Variants in MAN2B1 observed in about 807,000 individuals in gnomAD.
The protein encoded by MAN2B1 is mannosidase alpha class 2B member 1.
A neutral mutation model predicts 127.5 loss-of-function variants in MAN2B1; 99 were observed. That is an observed-to-expected ratio of 0.78 (90% confidence interval 0.66 to 0.92). MAN2B1 has a LOEUF of 0.92. MAN2B1 is among the 40% of genes least tolerant of loss of function. The pLI, the probability that MAN2B1 is intolerant of heterozygous loss-of-function variation, is 0.00. For missense variants in MAN2B1, 1,304 were observed against 1,384.8 expected, an observed-to-expected ratio of 0.94 and a Z score of 0.93; for synonymous variants, 573 against 568.8, an observed-to-expected ratio of 1.01 and a Z score of -0.11.
At chr19:12,652,001 A>T in intron 16 of MAN2B1, 152 bp downstream of exon 16, 1 of 717,834 alleles carries the variant, frequency 1.4e-6, no homozygotes, top group Non-Finnish European at 2.5e-6. Flanking sequence ...GGACCCTCAA[A>T]TATTTCCCCC....
Position 12,649,441 on chromosome 19 carries a change from G to A in MAN2B1, c.2268-13C>T, listed in dbSNP as rs1373452713. ...TCGATAATCCCGCCTGGGGTTGGGG[G>A]TGAGCTGATCAGGCTTGGGATCTGG... is the stretch of plus-strand genomic sequence containing the variant. On this transcript the variant is annotated splice_polypyrimidine_tract_variant and intron_variant, in intron 18 of 23. Coordinates refer to ENST00000456935, the MANE Select transcript of MAN2B1 (RefSeq NM_000528.4). 2 of 1,555,626 alleles carry A rather than the reference G, an allele frequency of 1.3e-6. No homozygotes were observed. The highest frequency in any genetic ancestry group is 1.8e-6 in the Non-Finnish European group (2 of 1,132,732).
At chr19:12,657,926 G>C (rs1488670871) in intron 10 of MAN2B1, 137 bp downstream of exon 10, 2 of 797,356 alleles carry the variant, frequency 2.5e-6, no homozygotes, top group Non-Finnish European at 1.9e-6. Context: ...CTGCACTCCA[G>C]CCTGGGAGAC....
rs2023853412 is a variant in MAN2B1 at position 12,652,202 on chromosome 19, T to C, written c.1997A>G (p.Gln666Arg). Residue 666 changes from glutamine to arginine, a missense_variant, in exon 16 of 24, where the codon CAA (glutamine) becomes CGA (arginine). Coordinates refer to ENST00000456935, the MANE Select transcript of MAN2B1 (RefSeq NM_000528.4). Reference sequence around the variant, plus strand: ...GCGGCTCACAGGCAGCGGTTTCTGTTGGTTGGGTCTGAAGATGTAGGCACC... The same window carrying C: ...GCGGCTCACAGGCAGCGGTTTCTGTCGGTTGGGTCTGAAGATGTAGGCACC... ...ASGAYIFRPN[Q>R]QKPLPVSRWA... 2 of 1,614,134 alleles carry C rather than the reference T, an allele frequency of 1.2e-6. No homozygotes were observed. The highest frequency in any genetic ancestry group is 1.7e-6 in the Non-Finnish European group (2 of 1,180,020).
chr19:12,647,565 C>G lies in MAN2B1; in HGVS notation c.2698G>C (p.Val900Leu). The stretch of plus-strand genomic sequence containing the variant: ...CAGCTGGCCAGCGTGAGCAGGTGCA[C>G]CGAGGGCGGCAGGTCCCTGCGCAGC... ...SGLRRDLPPS[V>L]HLLTLASWGP... The change falls in exon 22 of 24, where the codon GTG (valine) becomes CTG (leucine). Residue 900 changes from valine to leucine, a missense_variant. Physicochemically the swap from Val to Leu is conservative, Grantham distance 32. Transcript: ENST00000456935. This position sits in a 1 kb window ranked among gnomAD's most constrained non-coding sequence, Gnocchi z 4.9. 6.2e-7 allele frequency: 1 copy of G among 1,614,074 alleles called. No homozygotes were observed. The highest frequency in any genetic ancestry group is 8.5e-7 in the Non-Finnish European group (1 of 1,179,978).
chr19:12,656,786 C>T, intron 12 of MAN2B1, 99 bp from the exon 13 acceptor site: 1 of 1,109,838 alleles, frequency 9.0e-7, no homozygotes, highest in South Asian at 1.2e-5. Flanking sequence ...CTAGTGTGGT[C>T]ACGGCACTTA....
In MAN2B1 at chr19:12,649,860, TG is replaced by T. The variant is rs2023799321; in HGVS notation, c.2267+52del. The T allele has an allele frequency of 2.4e-5, 25 of 1,026,962 alleles. No individual in the cohort carries two copies. In the South Asian group the frequency reaches 3.1e-4, roughly 13 times the overall value. 63.6% of individuals were successfully genotyped at this position (1,026,962 alleles called of 1,614,324 possible). A position where few individuals can be genotyped will look rare whatever the true frequency, so the allele number is the denominator to read the frequency against. ...ATCAGCAAATTTCCCTCACCACCCC[TG>T]GGCCCCAACACACCACAGACCACCC... On this transcript the variant is annotated intron_variant, in intron 18 of 23. Transcript: ENST00000456935.
In MAN2B1 at chr19:12,648,271, G is replaced by C; in HGVS notation, c.2568C>G (p.His856Gln). The change falls in exon 21 of 24, where the codon CAC (histidine) becomes CAG (glutamine). Residue 856 changes from histidine to glutamine, a missense_variant. Transcript: ENST00000456935. ...LDTAQAAAAG[H>Q]RLLAEQEVLA... is the part of the protein sequence containing the mutation. ...GGACCTCCTGCTCCGCCAGGAGCCG[G>C]TGTCCGGCGGCTGCAGCCTGGGCTG... is the stretch of plus-strand genomic sequence containing the variant. The C allele has an allele frequency of 6.2e-7, 1 of 1,608,638 alleles. No homozygotes were observed. Among genetic ancestry groups the C allele is most frequent in the Non-Finnish European group, 8.5e-7 (1 of 1,178,754 alleles).
intron 13 of MAN2B1, chr19:12,656,192 A>C: frequency 2.2e-6 from 1 of 456,346 alleles, no homozygotes; most frequent in Non-Finnish European, 4.0e-6. Flanking sequence ...GGAATGAAGG[A>C]GATGTCCATA....
At position 12,648,258 on chromosome 19, in the gene MAN2B1, C is replaced by A. The variant is rs1411862425; in HGVS notation, c.2581G>T (p.Glu861Ter). 6.2e-7 allele frequency: 1 copy of A among 1,604,066 alleles called. No individual in the cohort carries two copies. Among genetic ancestry groups the A allele is most frequent in the African/African-American group, 1.3e-5 (1 of 74,754 alleles). The change falls in exon 21 of 24, where the codon GAG becomes TAG. Residue 861 changes from glutamate to a stop codon, truncating the protein, a stop_gained. Transcript: ENST00000456935. LOFTEE classifies it high-confidence loss of function. ...AAAAGHRLLA[E>*]QEVLAPQVVL... is the part of the protein sequence containing the mutation. ...ACCTGAGGGGCCAGGACCTCCTGCT[C>A]CGCCAGGAGCCGGTGTCCGGCGGCT...
Position 12,649,355 on chromosome 19 carries a change from G to T in MAN2B1, c.2341C>A (p.Arg781=), listed in dbSNP as rs201600797. Residue 781 remains arginine (R), a synonymous_variant, in exon 19 of 24, where the codon CGG becomes AGG. Coordinates refer to ENST00000456935, the MANE Select transcript of MAN2B1 (RefSeq NM_000528.4). ...VAGNYYPVNT[R]IYITDGNMQL... is the part of the protein sequence containing the mutation. ...GGGAGAGCTACCGTGATGTAAATCC[G>T]GGTGTTGACTGGATAGTAGTTTCCT... 1 of 1,613,288 alleles carries T rather than the reference G, an allele frequency of 6.2e-7. No individual in the cohort carries two copies.
Position 12,656,555 on chromosome 19 carries a change from C to G in MAN2B1, c.1644+16G>C, listed in dbSNP as rs1348633876. ...GGAGGAGTCCCAGCGGGGGAATATT[C>G]GTTGTTTGGGCTCACATCGCTGGGC... is the stretch of plus-strand genomic sequence containing the variant. On this transcript the variant is annotated intron_variant, in intron 13 of 23. Transcript: ENST00000456935. 4 of 1,589,540 alleles carry G rather than the reference C, an allele frequency of 2.5e-6. No individual in the cohort carries two copies. Among genetic ancestry groups the G allele is most frequent in the East Asian group, 2.2e-5 (1 of 44,752 alleles).
At chr19:12,658,013 G>A (rs374996898) in intron 10 of MAN2B1, 50 bp downstream of exon 10, 12 of 1,443,572 alleles carry the variant, frequency 8.3e-6, no homozygotes, top group Non-Finnish European at 1.2e-5. Context: ...CCTAGGGGTG[G>A]TTTCCAACTT....
chr19:12,652,328 C>T, intron 15 of MAN2B1, 35 bp downstream of exon 15: 1 of 1,609,734 alleles, frequency 6.2e-7, no homozygotes, highest in Non-Finnish European at 8.5e-7. Flanking sequence ...CCGAGCACCA[C>T]CACCCCACCC....
At chr19:12,648,025 G>C in intron 21 of MAN2B1, 150 bp downstream of exon 21, 1 of 806,644 alleles carries the variant, frequency 1.2e-6, no homozygotes, top group East Asian at 2.7e-5. Flanking sequence ...GGCACTGGGC[G>C]GGGACTGCCC....
At chr19:12,658,008 G>A (rs2024012005) in intron 10 of MAN2B1, 55 bp downstream of exon 10, 2 of 1,423,482 alleles carry the variant, frequency 1.4e-6, no homozygotes, top group South Asian at 1.1e-5. Context: ...GGCGGCCTAG[G>A]GGTGGTTTCC....
chr19:12,648,518 G>T, intron 20 of MAN2B1, 116 bp from the exon 21 acceptor site: 1 of 774,418 alleles, frequency 1.3e-6, no homozygotes, highest in Non-Finnish European at 2.1e-6. Flanking sequence ...TGGGAGGAAC[G>T]GATGAGGATG....
chr19:12,649,207 T>C lies in MAN2B1; in HGVS notation c.2365A>G (p.Met789Val). 1 of 1,613,520 alleles carries C rather than the reference T, an allele frequency of 6.2e-7. No homozygotes were observed. The highest frequency in any genetic ancestry group is 8.5e-7 in the Non-Finnish European group (1 of 1,179,950). ...CGGTCAGTCAGCACAGTCAGCTGCATGTTTCCATCCTGGGAGTTGAAGGGT... is the reference window on the plus strand; with the variant it reads ...CGGTCAGTCAGCACAGTCAGCTGCACGTTTCCATCCTGGGAGTTGAAGGGT... The part of the protein sequence containing the change: ...NTRIYITDGN[M>V]QLTVLTDRSQ... Residue 789 changes from methionine (M) to valine (V), a missense_variant, in exon 20 of 24, where the codon ATG becomes GTG. By Grantham distance (21) the Met-to-Val change is conservative. Coordinates refer to ENST00000456935, the MANE Select transcript of MAN2B1 (RefSeq NM_000528.4).
chr19:12,655,366 G>A (rs2023931372), intron 14 of MAN2B1, among the ~76,000 whole-genome samples: 1 of 152,088 alleles, frequency 6.6e-6, no homozygotes, highest in African/African-American at 2.4e-5. Context: ...ATAGCCACAC[G>A]GCTCCCTCCC....
In MAN2B1 at chr19:12,657,569, A is replaced by G. The variant is rs1418757949; in HGVS notation, c.1310-14T>C. On this transcript the variant is annotated splice_polypyrimidine_tract_variant and intron_variant, in intron 10 of 23. Transcript: ENST00000456935. Reference sequence around the variant, plus strand: ...CCATCGCCTCATCTGCTCATAGACAATGAGTCCGGTGAGGTTCTGTGGGAC... The same window carrying G: ...CCATCGCCTCATCTGCTCATAGACAGTGAGTCCGGTGAGGTTCTGTGGGAC... The G allele has an allele frequency of 6.4e-7, 1 of 1,551,416 alleles. No individual in the cohort carries two copies. Among genetic ancestry groups the G allele is most frequent in the African/African-American group, 1.4e-5 (1 of 73,500 alleles).
Sources: gnomAD v4.1 joint callset for allele counts (sites outside exome capture counted in the v4.1 genomes callset) on GRCh38, gnomAD v4.1.1 for gene constraint, Gnocchi (gnomAD v3.1) non-coding constraint, MANE v1.5 for transcripts, NCBI Gene and HGNC (gene_info 2026-07-23, HGNC 2026-07-21) for gene names.